Variants in ZDHHC11 observed in about 807,000 individuals in gnomAD.
ZDHHC11 encodes the protein zDHHC palmitoyltransferase 11.
A neutral mutation model predicts 51.3 loss-of-function variants in ZDHHC11; 44 were observed. The ratio of observed to expected loss-of-function variants is 0.86; its 90% CI spans 0.67 to 1.10. The LOEUF (loss-of-function observed/expected upper bound fraction) is 1.10. ZDHHC11 is among the 50% of genes least tolerant of loss of function. The pLI, the probability that ZDHHC11 is intolerant of heterozygous loss-of-function variation, is 0.00. For synonymous variants in ZDHHC11, 163 were observed against 222.0 expected (o/e 0.73, Z 2.36); for missense variants, 400 against 537.7 (o/e 0.74, Z 2.53).
intron 11 of ZDHHC11, among the ~76,000 whole-genome samples, chr5:806,506 G>C (rs2150297646): frequency 6.6e-6 from 1 of 150,902 alleles, no homozygotes; most frequent in South Asian, 2.1e-4. Context: ...AGACCAAAAA[G>C]CATTACTTAT....
chr5:857,014 A>C (rs1011500187), intron 1 of ZDHHC11, among the ~76,000 whole-genome samples: 1 of 151,138 alleles, frequency 6.6e-6, no homozygotes, highest in Non-Finnish European at 1.5e-5. Context: ...GCACACATAC[A>C]ACCCCCACAG....
chr5:857,016 C>T (rs374850936), intron 1 of ZDHHC11, among the ~76,000 whole-genome samples: 1 of 151,706 alleles, frequency 6.6e-6, no homozygotes, highest in East Asian at 1.9e-4. Flanking sequence ...ACACATACAA[C>T]CCCCACAGAA....
intron 7 of ZDHHC11, among the ~76,000 whole-genome samples, chr5:825,824 C>T (rs547622820): frequency 1.3e-5 from 2 of 152,352 alleles, no homozygotes; most frequent in Admixed American, 6.5e-5. Flanking sequence ...CAGAACAACC[C>T]TGCTCCTAGG....
At chr5:803,226 T>C (rs1738742866) in intron 11 of ZDHHC11, among the ~76,000 whole-genome samples, 2 of 151,288 alleles carry the variant, frequency 1.3e-5, no homozygotes, top group Non-Finnish European at 3.0e-5. Flanking sequence ...AGTCTGGTGG[T>C]GCCCTGAGGG....
rs1738351216 is a variant in ZDHHC11, at chr5:801,127, T to C, written c.1219A>G (p.Ser407Gly). Residue 407 changes from serine to glycine, a missense_variant, in exon 12 of 13, where the codon AGT becomes GGT. Ser to Gly is a moderately conservative substitution (Grantham distance 56). Transcript: ENST00000283441. Reference protein sequence around the residue: ...QETTEPMKTDSAESED With the variant: ...QETTEPMKTDGAESED ...GAATCTCAGTCTTCACTTTCAGCAC[T>C]GTCAGTTTTCATGGGCTCTGTTGTT... The C allele has an allele frequency of 1.2e-6, 2 of 1,610,440 alleles. No individual in the cohort carries two copies. The highest frequency in any genetic ancestry group is 1.7e-6 in the Non-Finnish European group (2 of 1,177,270).
intron 7 of ZDHHC11, among the ~76,000 whole-genome samples, chr5:828,188 T>C (rs969743939): frequency 2.0e-5 from 3 of 151,244 alleles, no homozygotes; most frequent in African/African-American, 7.3e-5. Context: ...TCCCCACCTT[T>C]CCCCCTTTTC....
intron 1 of ZDHHC11, among the ~76,000 whole-genome samples, chr5:857,897 C>T (rs1424178846): frequency 2.7e-5 from 4 of 150,248 alleles, no homozygotes; most frequent in South Asian, 2.1e-4. Flanking sequence ...TTTATGACAC[C>T]GTGGTCCCCT....
chr5:844,072 AG>A (rs1205847793), intron 3 of ZDHHC11, among the ~76,000 whole-genome samples: 4 of 151,458 alleles, frequency 2.6e-5, no homozygotes, highest in Admixed American at 1.3e-4. Context: ...TGGAGCCCGC[AG>A]GGTGGAGGTG....
upstream of ZDHHC11, among the ~76,000 whole-genome samples, chr5:859,963 G>A (rs951924491): frequency 1.3e-5 from 2 of 152,194 alleles, no homozygotes; most frequent in Non-Finnish European, 2.9e-5. Context: ...TCTGTTAGCA[G>A]GGGTCCCTCC....
chr5:803,317 G>A (rs1246364112), intron 11 of ZDHHC11, among the ~76,000 whole-genome samples: 1 of 151,416 alleles, frequency 6.6e-6, no homozygotes, highest in Non-Finnish European at 1.5e-5. Flanking sequence ...AAGATTTACA[G>A]AGACAGACAT....
rs3747738 is a variant in ZDHHC11 at position 819,556 on chromosome 5, C to A, written c.1115G>T (p.Arg372Leu). 5 of 1,609,736 alleles carry A rather than the reference C, an allele frequency of 3.1e-6. No individual in the cohort carries two copies. Among genetic ancestry groups the A allele is most frequent in the Non-Finnish European group, 4.2e-6 (5 of 1,176,688 alleles). ...CATCGAGCCCCCGTCTGGGTGTACA[C>A]GAGTGGAGAACTGACACAGGCGCCT... Reference protein sequence around the residue: ...ICRRLCQFSTRVHPDGGSMAQ... With the variant: ...ICRRLCQFSTLVHPDGGSMAQ... The change falls in exon 10 of 13, where the codon CGT becomes CTT. Residue 372 changes from arginine to leucine, a missense_variant. Arg to Leu is a moderately radical substitution (Grantham distance 102). This residue lies in a region of ZDHHC11 where 231 missense variants were observed against 227.4 expected (regional missense o/e 1.02). Transcript: ENST00000283441.
At chr5:815,130 C>T (rs1345498755) in intron 10 of ZDHHC11, among the ~76,000 whole-genome samples, 1 of 151,438 alleles carries the variant, frequency 6.6e-6, no homozygotes, top group East Asian at 1.9e-4. Flanking sequence ...GACTGGTGTC[C>T]TTTTATGAAG....
intron 1 of ZDHHC11, chr5:850,176 A>T: frequency 1.6e-6 from 1 of 622,312 alleles, no homozygotes; most frequent in Non-Finnish European, 2.8e-6. Context: ...CCCTCAGCCA[A>T]CGCTGTCCTG....
At chr5:856,499 C>T (rs947322404) in intron 1 of ZDHHC11, among the ~76,000 whole-genome samples, 2 of 151,314 alleles carry the variant, frequency 1.3e-5, no homozygotes, top group Admixed American at 6.6e-5. Context: ...ACAACACACA[C>T]CACCCACACA....
At chr5:856,328 C>T (rs900892958) in intron 1 of ZDHHC11, among the ~76,000 whole-genome samples, 24 of 151,524 alleles carry the variant, frequency 1.6e-4, no homozygotes, top group Middle Eastern at 3.2e-3. Flanking sequence ...ATACACCACA[C>T]GCCACACACC....
intron 11 of ZDHHC11, among the ~76,000 whole-genome samples, chr5:801,973 G>A (rs955022695): frequency 2.6e-5 from 4 of 151,372 alleles, no homozygotes; most frequent in Non-Finnish European, 3.0e-5. Context: ...AAAGCAAGAG[G>A]GAAACCTTTC....
intron 1 of ZDHHC11, 140 bp from the exon 2 acceptor site, chr5:848,800 C>A (rs1746666279): frequency 3.9e-6 from 5 of 1,275,748 alleles, no homozygotes; most frequent in East Asian, 2.5e-5. Flanking sequence ...CCCAGCTCAC[C>A]CAGGCCTGGC....
intron 11 of ZDHHC11, among the ~76,000 whole-genome samples, chr5:803,411 A>G (rs1738776570): frequency 6.6e-6 from 1 of 151,408 alleles, no homozygotes; most frequent in African/African-American, 2.4e-5. Context: ...AGATAAAGGA[A>G]GAGCAACTTC....
intron 9 of ZDHHC11, 138 bp downstream of exon 9, chr5:821,723 A>G (rs1029082923): frequency 1.4e-5 from 12 of 831,108 alleles, no homozygotes; most frequent in Non-Finnish European, 2.0e-5. Context: ...TGCTCTCTCG[A>G]AAGTGCCACC....
Sources: gnomAD v4.1 joint callset for allele counts (sites outside exome capture counted in the v4.1 genomes callset) on GRCh38, gnomAD v4.1.1 for gene constraint, gnomAD v4.1.1 regional missense constraint, MANE v1.5 for transcripts, NCBI Gene and HGNC (gene_info 2026-07-23, HGNC 2026-07-21) for gene names.